The following IDO2 variants were observed in gnomAD, a reference collection of about 807,000 sequenced individuals.
The protein encoded by IDO2 is indoleamine 2,3-dioxygenase 2.
Under a neutral mutation model 45.1 loss-of-function variants are expected in IDO2, and 46 were observed. The observed-to-expected ratio is 1.02, with a 90% CI of 0.80 to 1.30. The LOEUF (loss-of-function observed/expected upper bound fraction) is 1.30, where lower values mean the gene tolerates loss of function less well. Among genes scored for constraint, IDO2 ranks in the 50% most tolerant of loss-of-function variants. The pLI is 0.00. For missense variants in IDO2, 544 were observed against 491.8 expected (o/e 1.11, Z -1.00); for synonymous variants, 218 against 184.9 (o/e 1.18, Z -1.45).
At chr8:39,941,951 TG>T (rs1807649492) in intron 1 of IDO2, among the ~76,000 whole-genome samples, 2 of 151,868 alleles carry the variant, frequency 1.3e-5, no homozygotes, top group Admixed American at 6.6e-5. Context: ...TAGCCAAGCA[TG>T]GTGGTACACA....
chr8:39,939,124 C>T (rs1052255646), intron 1 of IDO2, among the ~76,000 whole-genome samples: 3 of 151,604 alleles, frequency 2.0e-5, no homozygotes, highest in Admixed American at 6.6e-5. Flanking sequence ...TGGTGGCGGG[C>T]GCCTGCTACT....
chr8:39,990,498 AC>A (rs1187122184), intron 8 of IDO2, among the ~76,000 whole-genome samples: 1 of 152,226 alleles, frequency 6.6e-6, no homozygotes, highest in Non-Finnish European at 1.5e-5. Flanking sequence ...ACCACCTTGC[AC>A]AAAGGCCATC....
At chr8:40,012,726 G>A (rs1033479134) in intron 9 of IDO2, among the ~76,000 whole-genome samples, 7 of 152,102 alleles carry the variant, frequency 4.6e-5, no homozygotes, top group African/African-American at 1.7e-4. Flanking sequence ...GGAAGACAAA[G>A]GAGAGGAAAG....
chr8:39,992,868 A>C (rs1265203469), intron 8 of IDO2, among the ~76,000 whole-genome samples: 1 of 152,154 alleles, frequency 6.6e-6, no homozygotes, highest in African/African-American at 2.4e-5. Context: ...GGCTGAGTAG[A>C]AAATGCCTGT....
intron 3 of IDO2, among the ~76,000 whole-genome samples, chr8:39,972,711 A>G (rs895017622): frequency 4.0e-5 from 6 of 151,624 alleles, no homozygotes; most frequent in Admixed American, 3.9e-4. Flanking sequence ...AGGAAGAGTC[A>G]ATTGATGTGG....
At chr8:39,968,766 G>A (rs2129594019) in intron 3 of IDO2, among the ~76,000 whole-genome samples, 1 of 152,006 alleles carries the variant, frequency 6.6e-6, no homozygotes, top group South Asian at 2.1e-4. Flanking sequence ...AGCATGAGGG[G>A]CTTAAAACCT....
At chr8:39,959,278 T>C (rs1807956108) in intron 2 of IDO2, among the ~76,000 whole-genome samples, 1 of 61,594 alleles carries the variant, frequency 1.6e-5, no homozygotes, top group Admixed American at 2.2e-4. Context: ...GGGCTAATTT[T>C]TTCTATTTTT....
chr8:39,976,974 TTTTA>T (rs780535174), intron 3 of IDO2, among the ~76,000 whole-genome samples: 6 of 152,360 alleles, frequency 3.9e-5, no homozygotes, highest in South Asian at 2.1e-4. Context: ...GATTAATATT[TTTTA>T]TTTATTTGTG....
chr8:39,934,719 A>C (rs1449565267), exon 1 of IDO2: 1 of 201,094 alleles, frequency 5.0e-6, no homozygotes, highest in Non-Finnish European at 1.0e-5. Flanking sequence ...ACAAGAGCTC[A>C]GAGACATGGC....
At chr8:39,941,717 AGGGAT>A (rs2129593002) in intron 1 of IDO2, among the ~76,000 whole-genome samples, 1 of 152,336 alleles carries the variant, frequency 6.6e-6, no homozygotes, top group African/African-American at 2.4e-5. Flanking sequence ...CTGCATGTTT[AGGGAT>A]GAAATAGAAA....
intron 2 of IDO2, among the ~76,000 whole-genome samples, chr8:39,954,536 G>A (rs536063326): frequency 3.4e-4 from 52 of 152,066 alleles, no homozygotes; most frequent in African/African-American, 1.2e-3. Flanking sequence ...TCAAGGTGTC[G>A]TGGAGTTGGT....
At chr8:39,946,718 A>G (rs1294099333) in intron 1 of IDO2, among the ~76,000 whole-genome samples, 1 of 152,072 alleles carries the variant, frequency 6.6e-6, no homozygotes, top group Admixed American at 6.6e-5. Context: ...TTCATGAATT[A>G]CTCTTTCTCT....
intron 3 of IDO2, among the ~76,000 whole-genome samples, chr8:39,976,734 G>A (rs1014159787): frequency 6.6e-6 from 1 of 152,146 alleles, no homozygotes; most frequent in African/African-American, 2.4e-5. Context: ...CCCAAACTGA[G>A]GCCAGAGACT....
At position 39,934,681 on chromosome 8, in the gene IDO2, T is replaced by C. The variant is rs1324589180; in HGVS notation, c.-555T>C. ...CTCATTTTTGTCTTCATTACTGCTA[T>C]GTGGAGCAAGGGCCCAAGCTTTTAA... On this transcript the variant is annotated 5_prime_UTR_variant, in exon 1 of 11. An upstream start codon of the reference 5' UTR is lost. Transcript: ENST00000502986. 1 of 181,260 alleles carries C rather than the reference T, an allele frequency of 5.5e-6. No homozygotes were observed. Among genetic ancestry groups the C allele is most frequent in the Non-Finnish European group, 1.2e-5 (1 of 85,898 alleles). The allele number at this position is 181,260 out of a possible 1,614,324, so 11.2% of individuals were successfully genotyped here. A position where few individuals can be genotyped will look rare whatever the true frequency, so the allele number is the denominator to read the frequency against.
chr8:39,978,363 G>A (rs1808293199), intron 3 of IDO2, among the ~76,000 whole-genome samples: 1 of 152,222 alleles, frequency 6.6e-6, no homozygotes, highest in Non-Finnish European at 1.5e-5. Context: ...GGCGAGCAGA[G>A]GGGACGCGCC....
intron 7 of IDO2, among the ~76,000 whole-genome samples, chr8:39,989,233 G>A (rs1205690448): frequency 6.6e-6 from 1 of 152,082 alleles, no homozygotes; most frequent in Non-Finnish European, 1.5e-5. Flanking sequence ...CTCGTATCAT[G>A]AGAACAGTAT....
At chr8:39,996,131 G>A (rs1171990735) in intron 8 of IDO2, among the ~76,000 whole-genome samples, 1 of 151,196 alleles carries the variant, frequency 6.6e-6, no homozygotes, top group Non-Finnish European at 1.5e-5. Context: ...GGGAAAGGGA[G>A]TCTCCCTTTC....
At chr8:39,982,309 C>T (rs751170156) in intron 4 of IDO2, among the ~76,000 whole-genome samples, 8 of 149,766 alleles carry the variant, frequency 5.3e-5, no homozygotes, top group Non-Finnish European at 8.9e-5. Context: ...AATTTTTTTC[C>T]GTTGATAATA....
intron 2 of IDO2, among the ~76,000 whole-genome samples, chr8:39,955,251 CTTTTTTTTT>C (rs34726763): frequency 2.1e-5 from 2 of 97,024 alleles, no homozygotes; most frequent in Non-Finnish European, 4.1e-5. Flanking sequence ...TAATATTTGC[CTTTTTTTTT>C]TTTTTTTTTT....
Sources: gnomAD v4.1 joint callset for allele counts (sites outside exome capture counted in the v4.1 genomes callset) on GRCh38, gnomAD v4.1.1 for gene constraint, MANE v1.5 for transcripts, NCBI Gene and HGNC (gene_info 2026-07-23, HGNC 2026-07-21) for gene names.